DPH6: variants seen among roughly 807,000 people sequenced by gnomAD.
The protein encoded by DPH6 is diphthine--ammonia ligase.
DPH6 carries 33 observed loss-of-function variants against 38.2 expected under a neutral mutation model. The observed-to-expected ratio is 0.86, with a 90% CI of 0.65 to 1.15. The LOEUF is 1.15. DPH6 is among the 50% of genes most tolerant of loss of function. The pLI, the probability that DPH6 is intolerant of heterozygous loss-of-function variation, is 0.00. For synonymous variants in DPH6, 108 were observed against 103.0 expected, an observed-to-expected ratio of 1.05 and a Z score of -0.30; for missense variants, 325 against 320.0, an observed-to-expected ratio of 1.02 and a Z score of -0.12.
chr15:35,234,153 G>C (rs1382175290), intron 3 of DPH6, among the ~76,000 whole-genome samples: 1 of 152,234 alleles, frequency 6.6e-6, no homozygotes, highest in Non-Finnish European at 1.5e-5. Context: ...CTAGGAAGTA[G>C]TCATACATCT....
At chr15:35,192,485 T>C in the DPH6 span, among the ~76,000 whole-genome samples, 1 of 152,298 alleles carries the variant, frequency 6.6e-6, no homozygotes, top group African/African-American at 2.4e-5. Context: ...TAAAGTTACA[T>C]TAATGTTTAC....
At chr15:35,164,076 T>C in the DPH6 span, among the ~76,000 whole-genome samples, 7 of 151,822 alleles carry the variant, frequency 4.6e-5, no homozygotes, top group Admixed American at 4.6e-4. Context: ...AGCAAACCTG[T>C]AAAAGTTTTA....
At chr15:35,310,840 G>A (rs555172237) in intron 3 of DPH6, among the ~76,000 whole-genome samples, 5 of 151,454 alleles carry the variant, frequency 3.3e-5, no homozygotes, top group African/African-American at 1.2e-4. Context: ...ACCTGAGGTC[G>A]GGAGTTTGAG....
At chr15:35,331,125 T>C (rs1035783427) in intron 3 of DPH6, 3 of 152,162 alleles carry the variant, frequency 2.0e-5, no homozygotes, top group Non-Finnish European at 4.4e-5. Flanking sequence ...AGACCTATAA[T>C]GACAGATGTC....
At chr15:35,245,292 G>A (rs1408310569) in intron 3 of DPH6, among the ~76,000 whole-genome samples, 2 of 134,662 alleles carry the variant, frequency 1.5e-5, no homozygotes, top group Non-Finnish European at 3.1e-5. Context: ...AGGCTGGAGT[G>A]CAGTGGTGCC....
At chr15:35,466,113 A>G (rs959996599) in intron 3 of DPH6, among the ~76,000 whole-genome samples, 3 of 152,126 alleles carry the variant, frequency 2.0e-5, no homozygotes, top group African/African-American at 4.8e-5. Context: ...TGGTGGTAGG[A>G]CTGCCTGAGC....
intron 3 of DPH6, among the ~76,000 whole-genome samples, chr15:35,511,290 A>G (rs2054766696): frequency 6.6e-6 from 1 of 152,154 alleles, no homozygotes; most frequent in Non-Finnish European, 1.5e-5. Flanking sequence ...ATTACAGATG[A>G]CCATAATCTA....
chr15:35,317,344 GAAAA>G (rs1394844069), intron 3 of DPH6, among the ~76,000 whole-genome samples: 2 of 126,154 alleles, frequency 1.6e-5, no homozygotes, highest in South Asian at 5.1e-4. Flanking sequence ...AAGAAGGAAA[GAAAA>G]AGAAAGAGAG....
chr15:35,489,837 G>T, intron 3 of DPH6: 2 of 977,514 alleles, frequency 2.0e-6, no homozygotes, highest in Non-Finnish European at 2.4e-6. Context: ...ACTTTTAAAA[G>T]GAATATTAAT....
intron 3 of DPH6, chr15:35,522,233 G>A: frequency 6.2e-7 from 1 of 1,613,218 alleles, no homozygotes; most frequent in African/African-American, 1.3e-5. Context: ...AAATCTTGGA[G>A]ATTCAGAGCA....
intron 6 of DPH6, among the ~76,000 whole-genome samples, chr15:35,404,684 C>A (rs1035666401): frequency 2.0e-5 from 3 of 152,076 alleles, no homozygotes; most frequent in Admixed American, 2.0e-4. Context: ...GTTGTCTCTG[C>A]ACTTTGTTGA....
chr15:35,156,761 T>G, the DPH6 span, among the ~76,000 whole-genome samples: 4 of 152,166 alleles, frequency 2.6e-5, no homozygotes, highest in Non-Finnish European at 5.9e-5. Flanking sequence ...AAAGACCCAG[T>G]GGGCCACAAA....
chr15:35,187,414 G>C, the DPH6 span, among the ~76,000 whole-genome samples: 1 of 152,138 alleles, frequency 6.6e-6, no homozygotes, highest in Non-Finnish European at 1.5e-5. Context: ...AGTAATAGCT[G>C]AATGGATTAA....
chr15:35,382,612 A>C (rs1000996646), intron 6 of DPH6, among the ~76,000 whole-genome samples: 2 of 152,212 alleles, frequency 1.3e-5, no homozygotes, highest in African/African-American at 4.8e-5. Flanking sequence ...AAGGGAATGA[A>C]AACGCTGTGT....
intron 3 of DPH6, chr15:35,299,506 G>C (rs2052039895): frequency 1.0e-5 from 7 of 686,058 alleles, no homozygotes; most frequent in Non-Finnish European, 1.9e-5. Context: ...GCGGCAGCGC[G>C]GAGCCGGGGA....
At chr15:35,366,794 T>C (rs2052665214), downstream of DPH6, among the ~76,000 whole-genome samples, 1 of 152,020 alleles carries the variant, frequency 6.6e-6, no homozygotes, top group Non-Finnish European at 1.5e-5. Flanking sequence ...ACTGGAGTTA[T>C]CTGTCAATGT....
chr15:35,232,576 G>A (rs750230732), intron 3 of DPH6, among the ~76,000 whole-genome samples: 5 of 151,958 alleles, frequency 3.3e-5, no homozygotes, highest in Admixed American at 6.6e-5. Context: ...GCAATACTCC[G>A]TGTCAAAAAC....
chr15:35,341,306 A>AT (rs2052419954), intron 3 of DPH6, among the ~76,000 whole-genome samples: 1 of 151,960 alleles, frequency 6.6e-6, no homozygotes, highest in African/African-American at 2.4e-5. Context: ...AAATGAAAGA[A>AT]TATTTCATGC....
intron 6 of DPH6, among the ~76,000 whole-genome samples, chr15:35,404,202 A>T (rs1041991594): frequency 6.6e-6 from 1 of 152,098 alleles, no homozygotes; most frequent in African/African-American, 2.4e-5. Flanking sequence ...GTGCAGATAT[A>T]CCTTTGATAC....
Sources: gnomAD v4.1 joint callset for allele counts (sites outside exome capture counted in the v4.1 genomes callset) on GRCh38, gnomAD v4.1.1 for gene constraint, MANE v1.5 for transcripts, NCBI Gene and HGNC (gene_info 2026-07-23, HGNC 2026-07-21) for gene names.